ADGRG5: variants seen among roughly 807,000 people sequenced by gnomAD.
The protein encoded by ADGRG5 is G protein-coupled receptor 114.
ADGRG5 carries 37 observed loss-of-function variants against 53.2 expected under a neutral mutation model. That is an observed-to-expected ratio of 0.70 (90% CI 0.53 to 0.91). The LOEUF (loss-of-function observed/expected upper bound fraction) is 0.91, where lower values mean the gene tolerates loss of function less well. Among genes scored for constraint, ADGRG5 ranks in the 40% least tolerant of loss-of-function variants. ADGRG5 has a pLI of 0.00. For missense variants in ADGRG5, 614 were observed against 675.8 expected (o/e 0.91, Z 1.01); for synonymous variants, 277 against 290.4 (o/e 0.95, Z 0.47).
At chr16:57,529,090 C>G in the ADGRG5 span, 2 of 1,172,954 alleles carry the variant, frequency 1.7e-6, no homozygotes, top group East Asian at 3.8e-5. This position sits in a 1 kb window ranked among gnomAD's most constrained non-coding sequence, Gnocchi z 4.1. Context: ...CCCATGCGCT[C>G]CGGCGACGGG....
intron 1 of ADGRG5, among the ~76,000 whole-genome samples, chr16:57,548,115 G>A (rs1363610229): frequency 1.3e-5 from 2 of 151,402 alleles, no homozygotes; most frequent in Non-Finnish European, 2.9e-5. Flanking sequence ...CTGGCCTCAA[G>A]CGATTCTCCT....
At chr16:57,571,296 CCAG>C (rs1390722732) in intron 10 of ADGRG5, among the ~76,000 whole-genome samples, 1 of 152,156 alleles carries the variant, frequency 6.6e-6, no homozygotes, top group Non-Finnish European at 1.5e-5. Context: ...GGTCCTGTTG[CCAG>C]CCCTATTTTA....
At chr16:57,536,099 T>C in the ADGRG5 span, among the ~76,000 whole-genome samples, 2 of 151,780 alleles carry the variant, frequency 1.3e-5, no homozygotes, top group Non-Finnish European at 2.9e-5. Flanking sequence ...GCCGCGGCTC[T>C]GGGCAGGGCG....
Position 57,562,105 on chromosome 16 carries a change from T to G in ADGRG5, c.12T>G (p.Cys4Trp), listed in dbSNP as rs201729290. MDH[C>W]GALFLCLCLL... is the part of the protein sequence containing the mutation. Reference sequence around the variant, plus strand: ...ACTCTGCACAGGGCATGGATCACTGTGGTGCCCTTTTCCTGTGCCTGTGCC... The same window carrying G: ...ACTCTGCACAGGGCATGGATCACTGGGGTGCCCTTTTCCTGTGCCTGTGCC... Residue 4 changes from cysteine (C) to tryptophan (W), a missense_variant, in exon 2 of 12, where the codon TGT becomes TGG. Physicochemically the swap from Cys to Trp is radical, Grantham distance 215 (BLOSUM62 -2). Coordinates refer to ENST00000349457, the MANE Select transcript of ADGRG5 (RefSeq NM_001304376.3). 5.4e-5 allele frequency: 87 copies of G among 1,596,556 alleles called. No homozygotes were observed. Among genetic ancestry groups the G allele is most frequent in the Non-Finnish European group, 7.2e-5 (84 of 1,168,316 alleles).
the ADGRG5 span, among the ~76,000 whole-genome samples, chr16:57,536,092 G>A: frequency 6.6e-6 from 1 of 150,894 alleles, no homozygotes; most frequent in African/African-American, 2.4e-5. Context: ...GGCAGTCGCC[G>A]CGGCTCTGGG....
chr16:57,529,257 C>T, the ADGRG5 span: 1 of 1,122,732 alleles, frequency 8.9e-7, no homozygotes, highest in Non-Finnish European at 1.1e-6. This position sits in a 1 kb window ranked among gnomAD's most constrained non-coding sequence, Gnocchi z 4.1. Flanking sequence ...GGGCGCGATA[C>T]AACTGTGCAT....
rs1022587503 is a variant in ADGRG5, at chr16:57,574,234, C to T, written c.1209-581C>T. On this transcript the variant is annotated intron_variant, in intron 10 of 11. Transcript: ENST00000349457. The surrounding 1 kb of genome is among the most constrained non-coding windows in gnomAD (Gnocchi z 4.4). ...CTCTGCTCAGCCCTCAGTGGGCTCT[C>T]CTGCGGCTCTGTGTGCTCTCAGGTT... Among the ~76,000 whole-genome samples the T allele has an allele frequency of 2.0e-5, 3 of 152,196 alleles. No homozygotes were observed. Among genetic ancestry groups the T allele is most frequent in the Non-Finnish European group, 2.9e-5 (2 of 68,050 alleles).
At chr16:57,563,766 C>A in intron 4 of ADGRG5, 82 bp from the exon 5 acceptor site, 1 of 1,565,736 alleles carries the variant, frequency 6.4e-7, no homozygotes, top group Non-Finnish European at 8.8e-7. Flanking sequence ...GAAGGTTTCA[C>A]GGGGAGTGGG....
intron 1 of ADGRG5, among the ~76,000 whole-genome samples, chr16:57,554,513 A>G (rs2032830753): frequency 6.6e-6 from 1 of 151,916 alleles, no homozygotes; most frequent in Non-Finnish European, 1.5e-5. Context: ...AATAGCTGGG[A>G]CTACAGGCAC....
intron 6 of ADGRG5, 99 bp from the exon 7 acceptor site, chr16:57,566,500 C>A: frequency 9.2e-7 from 1 of 1,088,802 alleles, no homozygotes; most frequent in Non-Finnish European, 1.2e-6. Context: ...AAAATGTTGG[C>A]AAATGTGCAG....
At chr16:57,529,247 G>A in the ADGRG5 span, 1 of 1,128,226 alleles carries the variant, frequency 8.9e-7, no homozygotes. This position sits in a 1 kb window ranked among gnomAD's most constrained non-coding sequence, Gnocchi z 4.1. Flanking sequence ...GACGCGCGGC[G>A]GGCGCGATAC....
intron 1 of ADGRG5, among the ~76,000 whole-genome samples, chr16:57,557,638 G>A (rs1472086998): frequency 2.6e-5 from 4 of 152,010 alleles, no homozygotes; most frequent in Admixed American, 6.6e-5. Context: ...CAGTTCTTGG[G>A]TAATCTGTTA....
chr16:57,535,903 C>T, the ADGRG5 span, among the ~76,000 whole-genome samples: 3 of 152,282 alleles, frequency 2.0e-5, no homozygotes, highest in Non-Finnish European at 4.4e-5. Context: ...ACACCACCCC[C>T]ACCTAAGGTA....
At chr16:57,538,612 C>A (rs562148616), upstream of ADGRG5, among the ~76,000 whole-genome samples, 50 of 152,154 alleles carry the variant, frequency 3.3e-4, no homozygotes, top group Non-Finnish European at 1.6e-4. Flanking sequence ...TCTAGAACAA[C>A]ACCCCCAGGC....
At chr16:57,535,017 G>A in the ADGRG5 span, among the ~76,000 whole-genome samples, 16 of 152,182 alleles carry the variant, frequency 1.1e-4, no homozygotes, top group Non-Finnish European at 2.2e-4. Context: ...CCCCTTCCCC[G>A]GCTCTGAAAC....
intron 10 of ADGRG5, 101 bp downstream of exon 10, chr16:57,570,636 G>A (rs1327240169): frequency 4.7e-6 from 4 of 854,510 alleles, no homozygotes; most frequent in Middle Eastern, 2.3e-4. Context: ...AGCACTGGCT[G>A]TGGGGCAGAG....
At chr16:57,532,043 C>T in the ADGRG5 span, among the ~76,000 whole-genome samples, 1 of 152,208 alleles carries the variant, frequency 6.6e-6, no homozygotes, top group Non-Finnish European at 1.5e-5. Flanking sequence ...CTAGGCCCAG[C>T]TCTGACACCA....
At chr16:57,566,814 C>T in intron 7 of ADGRG5, 63 bp downstream of exon 7, 2 of 1,335,722 alleles carry the variant, frequency 1.5e-6, no homozygotes, top group African/African-American at 3.0e-5. Flanking sequence ...GGCAGAGGAG[C>T]AAGGCAAAAG....
chr16:57,554,531 C>T lies in ADGRG5; in HGVS notation c.-38-7525C>T, dbSNP rs531060898. On this transcript the variant is annotated intron_variant, in intron 1 of 11. Coordinates refer to ENST00000349457, the MANE Select transcript of ADGRG5 (RefSeq NM_001304376.3). The stretch of plus-strand genomic sequence containing the variant: ...AGCTGGGACTACAGGCACCTGCCAC[C>T]ATGCCCGGCTAACTTTTTGTATTTT... Among the ~76,000 whole-genome samples the T allele has an allele frequency of 4.7e-4, 72 of 152,242 alleles. 1 individual carries two copies. The South Asian group carries it at 0.01, about 21-fold the overall frequency.
Sources: allele counts gnomAD v4.1 joint callset (sites outside exome capture counted in the v4.1 genomes callset), GRCh38; gene constraint gnomAD v4.1.1; non-coding constraint Gnocchi (gnomAD v3.1); transcripts MANE v1.5; gene names NCBI Gene and HGNC (gene_info 2026-07-23, HGNC 2026-07-21).